CEP128: variants seen among roughly 807,000 people sequenced by gnomAD.
CEP128 encodes centrosomal protein 128, also known as centrosomal protein 128kDa.
Under a neutral mutation model 156.7 loss-of-function variants are expected in CEP128, and 132 were observed. That is an observed-to-expected ratio of 0.84 (90% confidence interval 0.73 to 0.97). CEP128 has a LOEUF of 0.97. CEP128 is among the 50% of genes least tolerant of loss of function. The probability of loss-of-function intolerance (pLI) is 0.00; values close to 1 mark genes in which losing one functional copy is unlikely to be tolerated. For synonymous variants in CEP128, 469 were observed against 448.9 expected (o/e 1.04, Z -0.57); for missense variants, 1,252 against 1,281.9 (o/e 0.98, Z 0.36).
At chr14:80,704,611 A>C (rs753640070) in intron 19 of CEP128, among the ~76,000 whole-genome samples, 31 of 152,248 alleles carry the variant, frequency 2.0e-4, no homozygotes, top group Admixed American at 5.2e-4. Context: ...ATAATTGAAA[A>C]AAATACAGAA....
At chr14:80,696,981 G>A (rs1032606277) in intron 19 of CEP128, among the ~76,000 whole-genome samples, 3 of 152,122 alleles carry the variant, frequency 2.0e-5, no homozygotes, top group African/African-American at 7.2e-5. Flanking sequence ...CAAGTTTCCA[G>A]AGGAGGTTAA....
At chr14:80,483,249 T>A (rs1312686068) in intron 14 of CEP128, among the ~76,000 whole-genome samples, 1 of 152,190 alleles carries the variant, frequency 6.6e-6, no homozygotes, top group Non-Finnish European at 1.5e-5. Context: ...TGGGGAAGCA[T>A]GTGATGATGA....
intron 9 of CEP128, among the ~76,000 whole-genome samples, chr14:80,849,260 A>C (rs1415754628): frequency 6.6e-6 from 1 of 152,184 alleles, no homozygotes. Context: ...AAGATGAACC[A>C]CACAAAAAGA....
intron 19 of CEP128, among the ~76,000 whole-genome samples, chr14:80,618,901 G>C (rs2140640964): frequency 6.6e-6 from 1 of 152,294 alleles, no homozygotes; most frequent in East Asian, 1.9e-4. Flanking sequence ...GATGCTACTG[G>C]TCGATAAACC....
At chr14:80,642,578 G>A (rs1020985569) in intron 19 of CEP128, among the ~76,000 whole-genome samples, 70 of 152,070 alleles carry the variant, frequency 4.6e-4, no homozygotes, top group Admixed American at 6.6e-5. Context: ...AACTGTTTGG[G>A]AGGCTGAGGC....
intron 6 of CEP128, among the ~76,000 whole-genome samples, chr14:80,903,723 T>A (rs2139436562): frequency 6.6e-6 from 1 of 151,440 alleles, no homozygotes; most frequent in East Asian, 1.9e-4. Flanking sequence ...CATACAATGG[T>A]CAATAGGTAC....
intron 9 of CEP128, among the ~76,000 whole-genome samples, chr14:80,858,739 C>T (rs1478087473): frequency 6.6e-6 from 1 of 151,678 alleles, no homozygotes; most frequent in East Asian, 1.9e-4. Flanking sequence ...GGGCGAAGGA[C>T]ATGAACAGAC....
At chr14:80,591,976 A>G (rs985953150) in intron 19 of CEP128, among the ~76,000 whole-genome samples, 17 of 152,190 alleles carry the variant, frequency 1.1e-4, no homozygotes, top group Admixed American at 1.1e-3. Flanking sequence ...AAGACACAAT[A>G]TACCAGAATC....
intron 24 of CEP128, among the ~76,000 whole-genome samples, chr14:80,503,744 A>G (rs914941233): frequency 2.0e-5 from 3 of 152,204 alleles, no homozygotes; most frequent in Non-Finnish European, 4.4e-5. Flanking sequence ...CTGAGGTGCC[A>G]TAACCAACTT....
intron 19 of CEP128, among the ~76,000 whole-genome samples, chr14:80,595,638 A>T (rs1366527165): frequency 2.0e-5 from 3 of 152,232 alleles, no homozygotes; most frequent in African/African-American, 7.2e-5. Flanking sequence ...CACATGATAA[A>T]TCAAAATGTA....
At chr14:80,818,273 C>G (rs1053128107) in intron 13 of CEP128, among the ~76,000 whole-genome samples, 1 of 152,216 alleles carries the variant, frequency 6.6e-6, no homozygotes, top group Non-Finnish European at 1.5e-5. Context: ...CCCACCTCCA[C>G]CTCCCAAAGT....
At chr14:80,686,178 A>G (rs1224110607) in intron 19 of CEP128, among the ~76,000 whole-genome samples, 1 of 152,096 alleles carries the variant, frequency 6.6e-6, no homozygotes, top group Non-Finnish European at 1.5e-5. Flanking sequence ...AGAATGGGAG[A>G]AGATATTTGC....
intron 13 of CEP128, among the ~76,000 whole-genome samples, chr14:80,805,738 CCA>C (rs770962421): frequency 6.6e-6 from 1 of 152,098 alleles, no homozygotes; most frequent in Non-Finnish European, 1.5e-5. Context: ...AATCAATTTT[CCA>C]CAGTCAGAAC....
chr14:80,760,493 C>T (rs1421232729), intron 17 of CEP128, among the ~76,000 whole-genome samples: 1 of 151,880 alleles, frequency 6.6e-6, no homozygotes, highest in East Asian at 1.9e-4. Context: ...GAAGGTCATT[C>T]TAGAAGAGGA....
intron 2 of CEP128, among the ~76,000 whole-genome samples, chr14:80,956,832 G>C (rs1886719856): frequency 6.6e-6 from 1 of 152,146 alleles, no homozygotes; most frequent in Non-Finnish European, 1.5e-5. Context: ...TGTGCTCAGA[G>C]ATATCCTAGT....
rs1369106924 is a variant in CEP128 at position 80,579,071 on chromosome 14, T to C, written c.2856+1303A>G. Among the ~76,000 whole-genome samples, 6 of 152,210 alleles carry C rather than the reference T, an allele frequency of 3.9e-5. No individual in the cohort carries two copies. The East Asian group carries it at 7.7e-4, about 20-fold the overall frequency. On this transcript the variant is annotated intron_variant, in intron 20 of 24. Transcript: ENST00000555265. Reference sequence around the variant, plus strand: ...AGATTACTAGTTCCAACATTTGCACTGTGAAAGAAAAAACTACTTGTGCTG... The same window carrying C: ...AGATTACTAGTTCCAACATTTGCACCGTGAAAGAAAAAACTACTTGTGCTG...
rs1423058189 is a variant in CEP128, at chr14:80,904,817, G to GT, written c.475dup (p.Thr159AsnfsTer16). On this transcript the variant is annotated frameshift_variant, in exon 6 of 25. Coordinates refer to ENST00000555265, the MANE Select transcript of CEP128 (RefSeq NM_152446.5). LOFTEE classifies it high-confidence loss of function. ...TTACAGAATGGTACAAAGTACCTGA[G>GT]TCATATCATCAGTCTCTTGAACAAA... 1 of 1,516,252 alleles carries GT rather than the reference G, an allele frequency of 6.6e-7. No individual in the cohort carries two copies. The highest frequency in any genetic ancestry group is 1.7e-5 in the Admixed American group (1 of 59,890). 93.9% of individuals were successfully genotyped at this position (1,516,252 alleles called of 1,614,324 possible). A position where few individuals can be genotyped will look rare whatever the true frequency, so the allele number is the denominator to read the frequency against.
At chr14:80,721,587 C>A (rs1383182568) in intron 19 of CEP128, among the ~76,000 whole-genome samples, 1 of 152,070 alleles carries the variant, frequency 6.6e-6, no homozygotes, top group African/African-American at 2.4e-5. Context: ...ATTTCACTTT[C>A]TTTTTACCTT....
chr14:80,602,449 AT>A (rs1465440244), intron 19 of CEP128, among the ~76,000 whole-genome samples: 2 of 152,188 alleles, frequency 1.3e-5, no homozygotes, highest in Non-Finnish European at 2.9e-5. Flanking sequence ...AAGACAAACC[AT>A]ATGATAGGCC....
Sources: gnomAD v4.1 joint callset for allele counts (sites outside exome capture counted in the v4.1 genomes callset) on GRCh38, gnomAD v4.1.1 for gene constraint, MANE v1.5 for transcripts, NCBI Gene and HGNC (gene_info 2026-07-23, HGNC 2026-07-21) for gene names.